PCDHGB3: variants seen among roughly 807,000 people sequenced by gnomAD.
PCDHGB3 encodes the protein protocadherin gamma subfamily B, 3.
A neutral mutation model predicts 59.2 loss-of-function variants in PCDHGB3; 40 were observed. The observed-to-expected ratio is 0.68, with a 90% CI of 0.52 to 0.88. The LOEUF (loss-of-function observed/expected upper bound fraction) is 0.88, where lower values mean the gene tolerates loss of function less well. PCDHGB3 is among the 40% of genes least tolerant of loss of function. The probability of loss-of-function intolerance (pLI) is 0.00; values close to 1 mark genes in which losing one functional copy is unlikely to be tolerated. For synonymous variants in PCDHGB3, 581 were observed against 503.6 expected, an observed-to-expected ratio of 1.15 and a Z score of -2.06; for missense variants, 1,309 against 1,187.9, an observed-to-expected ratio of 1.10 and a Z score of -1.50.
At chr5:141,376,832 G>A (rs1773425503) in intron 1 of PCDHGB3, 3 of 257,250 alleles carry the variant, frequency 1.2e-5, no homozygotes, top group South Asian at 6.2e-5. Flanking sequence ...GACTACAGGC[G>A]CCCGCCACCG....
At chr5:141,384,969 G>A (rs996601457) in intron 1 of PCDHGB3, 5 of 1,614,014 alleles carry the variant, frequency 3.1e-6, no homozygotes, top group African/African-American at 2.7e-5. Context: ...ATGACCTCAC[G>A]TTGTACCTGG....
intron 1 of PCDHGB3, among the ~76,000 whole-genome samples, chr5:141,461,267 T>C (rs2099012147): frequency 6.6e-6 from 1 of 152,140 alleles, no homozygotes; most frequent in Admixed American, 6.6e-5. Flanking sequence ...AATGTGTAAG[T>C]GTTCTCTTTT....
At chr5:141,376,106 C>G (rs747782630) in intron 1 of PCDHGB3, 2 of 1,613,796 alleles carry the variant, frequency 1.2e-6, no homozygotes, top group East Asian at 4.5e-5. Flanking sequence ...CCTGGCCGAC[C>G]TGGGCAGCCT....
chr5:141,415,502 A>T, intron 1 of PCDHGB3: 1 of 1,614,204 alleles, frequency 6.2e-7, no homozygotes, highest in African/African-American at 1.3e-5. Flanking sequence ...ATCTTCCCCC[A>T]GCCCAATTAT....
At chr5:141,452,281 T>G (rs948141174) in intron 1 of PCDHGB3, among the ~76,000 whole-genome samples, 2 of 152,232 alleles carry the variant, frequency 1.3e-5, no homozygotes, top group Non-Finnish European at 2.9e-5. Flanking sequence ...CCTTTCTTAC[T>G]TTCTGATATA....
chr5:141,443,217 G>A (rs1447455858), intron 1 of PCDHGB3, among the ~76,000 whole-genome samples: 8 of 151,656 alleles, frequency 5.3e-5, no homozygotes, highest in African/African-American at 2.4e-5. Flanking sequence ...CTCGCCAGGC[G>A]CATCTATAAT....
intron 3 of PCDHGB3, among the ~76,000 whole-genome samples, chr5:141,509,015 C>T (rs1370464396): frequency 6.6e-6 from 1 of 152,098 alleles, no homozygotes; most frequent in East Asian, 1.9e-4. Flanking sequence ...AAGTGGGCAG[C>T]TGCTCCCTCC....
Position 141,384,980 on chromosome 5 carries a change from T to A in PCDHGB3, c.2415+12171T>A, listed in dbSNP as rs772144829. The A allele has an allele frequency of 1.1e-5, 18 of 1,614,040 alleles. No individual in the cohort carries two copies. In the South Asian group the frequency reaches 1.6e-4, roughly 15 times the overall value. On this transcript the variant is annotated intron_variant, in intron 1 of 3. Coordinates refer to ENST00000576222, the MANE Select transcript of PCDHGB3 (RefSeq NM_018924.5). Reference sequence around the variant, plus strand: ...AACTATGACCTCACGTTGTACCTGGTGGTGGCGGTGGCCACAGTCTCCTGC... The same window carrying A: ...AACTATGACCTCACGTTGTACCTGGAGGTGGCGGTGGCCACAGTCTCCTGC...
intron 1 of PCDHGB3, chr5:141,423,330 C>G (rs932335651): frequency 9.9e-6 from 16 of 1,614,056 alleles, no homozygotes; most frequent in Middle Eastern, 1.6e-4. Flanking sequence ...TGGCCGCAGT[C>G]TCCTGCATCT....
intron 1 of PCDHGB3, chr5:141,421,420 G>A: frequency 6.2e-7 from 1 of 1,614,084 alleles, no homozygotes; most frequent in Admixed American, 1.7e-5. Context: ...GAAGCGCGGA[G>A]TCCGCATCGT....
In PCDHGB3 at chr5:141,372,757, T is replaced by G; in HGVS notation, c.2363T>G (p.Phe788Cys). 6.2e-7 allele frequency: 1 copy of G among 1,613,122 alleles called. No individual in the cohort carries two copies. The highest frequency in any genetic ancestry group is 8.5e-7 in the Non-Finnish European group (1 of 1,179,382). The change falls in exon 1 of 4, where the codon TTT becomes TGT. Residue 788 changes from phenylalanine to cysteine, a missense_variant. Phe to Cys is a radical substitution (Grantham distance 205). Coordinates refer to ENST00000576222, the MANE Select transcript of PCDHGB3 (RefSeq NM_018924.5). ...CTTCTATGTGATGAAGCCTCTTGGT[T>G]TGAAAGTAATGACAATCCAGAAATG... ...QDLLCDEASW[F>C]ESNDNPEMPS... is the part of the protein sequence containing the mutation.
At chr5:141,381,443 C>T (rs1777196570) in intron 1 of PCDHGB3, among the ~76,000 whole-genome samples, 1 of 152,224 alleles carries the variant, frequency 6.6e-6, no homozygotes, top group Admixed American at 6.5e-5. Flanking sequence ...CCTGTCAGGA[C>T]AGTCCTGCAT....
intron 1 of PCDHGB3, chr5:141,409,124 G>T: frequency 6.2e-7 from 1 of 1,613,940 alleles, no homozygotes. Context: ...CCAGTCATTT[G>T]ATTTTGAAGA....
At chr5:141,376,179 C>T (rs777443061) in intron 1 of PCDHGB3, 9 of 1,614,014 alleles carry the variant, frequency 5.6e-6, no homozygotes, top group East Asian at 4.5e-5. Context: ...GCGGTGGCCG[C>T]GGTCTCCTGC....
chr5:141,421,791 T>TG, intron 1 of PCDHGB3: 1 of 1,613,792 alleles, frequency 6.2e-7, no homozygotes, highest in Non-Finnish European at 8.5e-7. Flanking sequence ...GCAGAACGGA[T>TG]GGGGCCAAGA....
intron 1 of PCDHGB3, among the ~76,000 whole-genome samples, chr5:141,442,609 TA>T (rs1238913928): frequency 6.6e-6 from 1 of 152,112 alleles, no homozygotes; most frequent in African/African-American, 2.4e-5. Flanking sequence ...GAGATCTCAG[TA>T]AAAAGCATTT....
At chr5:141,384,521 C>T (rs1255804611) in intron 1 of PCDHGB3, 3 of 1,614,122 alleles carry the variant, frequency 1.9e-6, no homozygotes, top group Non-Finnish European at 1.7e-6. Flanking sequence ...GGGGACCCGC[C>T]TCTCAGCAGC....
rs773624580 is a variant in PCDHGB3 at position 141,489,715 on chromosome 5, G to A, written c.2416-5092G>A. On this transcript the variant is annotated intron_variant, in intron 1 of 3. Transcript: ENST00000576222. The surrounding 1 kb of genome is among the most constrained non-coding windows in gnomAD (Gnocchi z 4.5). ...ACGATTCCCACTGGACAGTGCCCAG[G>A]ATCCGGATGTGGGCACCAATACTGT... The A allele has an allele frequency of 6.2e-6, 10 of 1,614,004 alleles. No homozygotes were observed. The highest frequency in any genetic ancestry group is 2.2e-5 in the East Asian group (1 of 44,886).
chr5:141,389,481 C>A, intron 1 of PCDHGB3: 1 of 1,613,080 alleles, frequency 6.2e-7, no homozygotes, highest in Non-Finnish European at 8.5e-7. Context: ...ACTGCAGGCC[C>A]GCGACCAGGG....
Sources: gnomAD v4.1 joint callset for allele counts (sites outside exome capture counted in the v4.1 genomes callset) on GRCh38, gnomAD v4.1.1 for gene constraint, Gnocchi (gnomAD v3.1) non-coding constraint, MANE v1.5 for transcripts, NCBI Gene and HGNC (gene_info 2026-07-23, HGNC 2026-07-21) for gene names.